Variants in UBE2V1 observed in about 807,000 individuals in gnomAD.
UBE2V1 encodes ubiquitin conjugating enzyme E2 V1.
A neutral mutation model predicts 19.6 loss-of-function variants in UBE2V1; 15 were observed. The ratio of observed to expected loss-of-function variants is 0.77; its 90% confidence interval spans 0.51 to 1.18. The LOEUF (loss-of-function observed/expected upper bound fraction) is 1.18. UBE2V1 is among the 50% of genes most tolerant of loss of function. UBE2V1 has a pLI of 0.00. For synonymous variants in UBE2V1, 60 were observed against 60.7 expected (o/e 0.99, Z 0.05); for missense variants, 125 against 184.8 (o/e 0.68, Z 1.88).
At chr20:50,111,748 C>T (rs2080766813) in intron 1 of UBE2V1, among the ~76,000 whole-genome samples, 1 of 152,178 alleles carries the variant, frequency 6.6e-6, no homozygotes. Context: ...AGAGTAGCAA[C>T]ATTTATAAAG....
chr20:50,102,812 T>C (rs2080091371), intron 1 of UBE2V1, among the ~76,000 whole-genome samples: 1 of 152,234 alleles, frequency 6.6e-6, no homozygotes, highest in Non-Finnish European at 1.5e-5. Flanking sequence ...CCCCACCTGC[T>C]TCGCCAACAT....
intron 2 of UBE2V1, chr20:50,084,643 A>G: frequency 2.3e-6 from 1 of 436,598 alleles, no homozygotes. Context: ...TCAGTTAAAT[A>G]ACACTATGTG....
At position 50,081,344 on chromosome 20, in the gene UBE2V1, A is replaced by AT. The variant is rs972879830; in HGVS notation, c.*1423dup. 2 of 145,256 alleles carry AT rather than the reference A, an allele frequency of 1.4e-5. No homozygotes were observed. Among genetic ancestry groups the AT allele is most frequent in the African/African-American group, 2.6e-5 (1 of 38,380 alleles). The allele number at this position is 145,256 out of a possible 1,614,324, so 9.0% of individuals were successfully genotyped here. On this transcript the variant is annotated 3_prime_UTR_variant, in exon 4 of 4. Coordinates refer to ENST00000371674, the MANE Select transcript of UBE2V1 (RefSeq NM_001032288.3). ...AAAGGTGGTTTTACACAAATACTAA[A>AT]TTAAAAAAAAAAAAAAAACCTTTAG...
intron 2 of UBE2V1, among the ~76,000 whole-genome samples, chr20:50,092,847 T>G (rs2079324075): frequency 6.6e-6 from 1 of 152,136 alleles, no homozygotes; most frequent in Non-Finnish European, 1.5e-5. Flanking sequence ...AAAAAGTAAG[T>G]TTCCTTTCCA....
upstream of UBE2V1, chr20:50,115,678 A>G (rs911224199): frequency 4.0e-6 from 5 of 1,243,008 alleles, no homozygotes; most frequent in African/African-American, 7.7e-5. Context: ...AGGAAGGGAC[A>G]CTAGAAGAGC....
At chr20:50,107,239 T>C (rs906000440) in intron 1 of UBE2V1, among the ~76,000 whole-genome samples, 1 of 152,224 alleles carries the variant, frequency 6.6e-6, no homozygotes, top group Admixed American at 6.5e-5. Flanking sequence ...TTCTCAGGTC[T>C]TCAGCCCAGA....
rs1305050402 is a variant in UBE2V1, at chr20:50,085,229, T to C, written c.172-975A>G. 3.9e-5 allele frequency among the ~76,000 whole-genome samples: 6 copies of C among 152,184 alleles called. No homozygotes were observed. In the East Asian group the frequency reaches 1.2e-3, roughly 29 times the overall value. On this transcript the variant is annotated intron_variant, in intron 2 of 3. Transcript: ENST00000371674. ...TTTAAAAGGCTAACTGTGCCTTTGTTGAGAAACACTGAAAAGTCCAACCCC... is the reference window on the plus strand; with the variant it reads ...TTTAAAAGGCTAACTGTGCCTTTGTCGAGAAACACTGAAAAGTCCAACCCC...
intron 3 of UBE2V1, among the ~76,000 whole-genome samples, chr20:50,083,371 G>T (rs1051338849): frequency 6.6e-6 from 1 of 152,244 alleles, no homozygotes; most frequent in Non-Finnish European, 1.5e-5. Context: ...TCAGGTTAAG[G>T]CAGCATTTCC....
intron 1 of UBE2V1, chr20:50,111,414 C>T (rs1173996968): frequency 7.0e-6 from 7 of 1,000,182 alleles, no homozygotes; most frequent in Non-Finnish European, 8.4e-6. Context: ...CTACCACCAG[C>T]ACACTGGGCC....
intron 1 of UBE2V1, among the ~76,000 whole-genome samples, chr20:50,104,172 C>G (rs906707416): frequency 6.7e-6 from 1 of 148,722 alleles, no homozygotes; most frequent in Non-Finnish European, 1.5e-5. Context: ...ATCCCAGCTA[C>G]TCGAGAGGCT....
At chr20:50,098,594 C>T (rs1298062441) in intron 1 of UBE2V1, among the ~76,000 whole-genome samples, 1 of 152,112 alleles carries the variant, frequency 6.6e-6, no homozygotes, top group Non-Finnish European at 1.5e-5. Flanking sequence ...AGACAAGAGT[C>T]AACTACAGCT....
At chr20:50,094,263 T>C (rs1568989050) in intron 2 of UBE2V1, among the ~76,000 whole-genome samples, 1 of 140,834 alleles carries the variant, frequency 7.1e-6, no homozygotes, top group African/African-American at 2.6e-5. Context: ...ATATAATGCA[T>C]TATATAATAT....
At chr20:50,094,696 T>TA (rs1458436302) in intron 2 of UBE2V1, among the ~76,000 whole-genome samples, 5 of 151,164 alleles carry the variant, frequency 3.3e-5, no homozygotes, top group Non-Finnish European at 5.9e-5. Flanking sequence ...AGCTAGAAAG[T>TA]AGACTGATGA....
chr20:50,085,457 C>T (rs2078858468), intron 2 of UBE2V1, among the ~76,000 whole-genome samples: 1 of 152,142 alleles, frequency 6.6e-6, no homozygotes, highest in African/African-American at 2.4e-5. Flanking sequence ...CTGAAGACCA[C>T]ACTGAAGGGT....
chr20:50,093,380 A>C (rs2079357244), intron 2 of UBE2V1, among the ~76,000 whole-genome samples: 1 of 152,256 alleles, frequency 6.6e-6, no homozygotes, highest in Admixed American at 6.5e-5. Context: ...AATTATGTGG[A>C]TATTCGAGTT....
At position 50,082,693 on chromosome 20, in the gene UBE2V1, T is replaced by G; in HGVS notation, c.*75A>C. The stretch of plus-strand genomic sequence containing the variant: ...GGTCTACAAGACGTATCTAGAAAAT[T>G]TACTACTGTGGAAAATGAAGACTGA... On this transcript the variant is annotated 3_prime_UTR_variant, in exon 4 of 4. Transcript: ENST00000371674. The G allele has an allele frequency of 6.4e-7, 1 of 1,567,660 alleles. No homozygotes were observed. Among genetic ancestry groups the G allele is most frequent in the Non-Finnish European group, 8.6e-7 (1 of 1,166,142 alleles).
intron 2 of UBE2V1, among the ~76,000 whole-genome samples, chr20:50,088,929 T>C (rs956962726): frequency 2.0e-5 from 3 of 152,194 alleles, no homozygotes; most frequent in East Asian, 1.9e-4. Context: ...CAATCTTACA[T>C]AGTTATATAC....
intron 1 of UBE2V1, among the ~76,000 whole-genome samples, chr20:50,103,534 T>C (rs2080147183): frequency 6.6e-6 from 1 of 152,086 alleles, no homozygotes; most frequent in African/African-American, 2.4e-5. Context: ...GCCTCCCAAG[T>C]AGCTGGGATT....
At chr20:50,115,741 G>A, upstream of UBE2V1, 1 of 769,042 alleles carries the variant, frequency 1.3e-6, no homozygotes, top group Non-Finnish European at 1.8e-6. Context: ...ACTCGATGCA[G>A]CAACTCCTGT....
Sources: allele counts gnomAD v4.1 joint callset (sites outside exome capture counted in the v4.1 genomes callset), GRCh38; gene constraint gnomAD v4.1.1; transcripts MANE v1.5; gene names NCBI Gene and HGNC (gene_info 2026-07-23, HGNC 2026-07-21).